The following RBFOX1 variants were observed in gnomAD, a reference collection of about 807,000 sequenced individuals.
RBFOX1 encodes RNA binding protein fox-1 homolog 1.
RBFOX1 carries 8 observed loss-of-function variants against 57.7 expected under a neutral mutation model. The ratio of observed to expected loss-of-function variants is 0.14; its 90% CI spans 0.08 to 0.25. The LOEUF is 0.25. RBFOX1 is among the 10% of genes least tolerant of loss of function. RBFOX1 has a pLI of 1.00. For synonymous variants in RBFOX1, 326 were observed against 222.4 expected (o/e 1.47, Z -4.15); for missense variants, 611 against 548.5 (o/e 1.11, Z -1.14).
intron 2 of RBFOX1, among the ~76,000 whole-genome samples, chr16:6,639,238 G>C (rs921946779): frequency 3.9e-5 from 6 of 152,202 alleles, no homozygotes; most frequent in African/African-American, 1.4e-4. Context: ...CTGCCCATTG[G>C]ATGTCTTTCT....
intron 4 of RBFOX1, among the ~76,000 whole-genome samples, chr16:7,430,389 C>G (rs968736314): frequency 5.9e-5 from 9 of 152,148 alleles, no homozygotes; most frequent in African/African-American, 2.2e-4. Flanking sequence ...AGGCTGGGCG[C>G]AGTGGCTCAT....
chr16:6,169,209 G>T (rs1001175642), intron 1 of RBFOX1, among the ~76,000 whole-genome samples: 4 of 152,098 alleles, frequency 2.6e-5, no homozygotes, highest in Non-Finnish European at 4.4e-5. Flanking sequence ...TCATTGACTT[G>T]GTAGATGGAA....
chr16:7,344,002 T>G (rs1007153203), intron 4 of RBFOX1, among the ~76,000 whole-genome samples: 1 of 151,714 alleles, frequency 6.6e-6, no homozygotes. Flanking sequence ...AATAATAGCC[T>G]CAATCTTGAG....
chr16:6,515,523 C>T (rs749474413), intron 2 of RBFOX1, among the ~76,000 whole-genome samples: 14 of 152,196 alleles, frequency 9.2e-5, no homozygotes, highest in Non-Finnish European at 1.2e-4. Flanking sequence ...ACATTGTTCC[C>T]ATGTCTTCCC....
At chr16:6,223,651 C>T (rs147190385) in intron 1 of RBFOX1, among the ~76,000 whole-genome samples, 3,166 of 152,112 alleles carry the variant, frequency 0.021, 120 homozygotes, top group African/African-American at 0.072. Flanking sequence ...TTTTGTAGGT[C>T]GCCTGTTCAC....
At chr16:5,835,985 G>C (rs1042877853) in intron 3 of RBFOX1, among the ~76,000 whole-genome samples, 19 of 152,224 alleles carry the variant, frequency 1.2e-4, no homozygotes, top group African/African-American at 4.3e-4. Context: ...TCAGGAGGCT[G>C]AGGCTGCTTG....
intron 2 of RBFOX1, among the ~76,000 whole-genome samples, chr16:5,495,303 A>C (rs1233318268): frequency 6.6e-6 from 1 of 152,244 alleles, no homozygotes; most frequent in Admixed American, 6.5e-5. Context: ...TAGAGTCTGC[A>C]GCGATTCTCG....
chr16:6,507,022 C>G (rs954376844), intron 2 of RBFOX1, among the ~76,000 whole-genome samples: 2 of 152,060 alleles, frequency 1.3e-5, no homozygotes, highest in African/African-American at 2.4e-5. Context: ...GGGCTCATGA[C>G]TGCTTCCTTT....
intron 3 of RBFOX1, among the ~76,000 whole-genome samples, chr16:6,657,420 C>T (rs1309685221): frequency 6.6e-6 from 1 of 151,988 alleles, no homozygotes; most frequent in East Asian, 2.0e-4. Context: ...ACGGCGTGCC[C>T]CTCACCCCAG....
chr16:5,454,136 C>G (rs72772788), intron 1 of RBFOX1, among the ~76,000 whole-genome samples: 3 of 152,134 alleles, frequency 2.0e-5, no homozygotes, highest in African/African-American at 7.2e-5. Context: ...TTTTATTCCT[C>G]GTTCTTGTTG....
intron 3 of RBFOX1, among the ~76,000 whole-genome samples, chr16:6,694,725 A>G (rs78000055): frequency 0.082 from 12,428 of 152,166 alleles, 547 homozygotes; most frequent in African/African-American, 0.096. Flanking sequence ...CAGCAACTCC[A>G]TTGGTAATAG....
chr16:5,914,308 G>A (rs894513094), intron 4 of RBFOX1, among the ~76,000 whole-genome samples: 2 of 151,904 alleles, frequency 1.3e-5, no homozygotes, highest in Admixed American at 1.3e-4. Flanking sequence ...CCCAATTTTT[G>A]TTGGGTCAGA....
intron 4 of RBFOX1, among the ~76,000 whole-genome samples, chr16:7,182,122 G>A (rs376903884): frequency 7.9e-5 from 12 of 152,202 alleles, no homozygotes; most frequent in South Asian, 6.2e-4. Context: ...TCAGTGATTC[G>A]TAGTTGTCTC....
At chr16:6,940,335 G>A (rs760550824) in intron 3 of RBFOX1, among the ~76,000 whole-genome samples, 3 of 152,192 alleles carry the variant, frequency 2.0e-5, no homozygotes, top group Non-Finnish European at 2.9e-5. Context: ...TTTGGGAGAT[G>A]CTTAAAAGCA....
chr16:5,859,810 C>T (rs1195354672), intron 3 of RBFOX1, among the ~76,000 whole-genome samples: 1 of 152,154 alleles, frequency 6.6e-6, no homozygotes, highest in Non-Finnish European at 1.5e-5. Context: ...ACAGAATATC[C>T]CTAAAACTTA....
At chr16:7,147,314 AT>A (rs920163214) in intron 4 of RBFOX1, among the ~76,000 whole-genome samples, 12 of 146,476 alleles carry the variant, frequency 8.2e-5, no homozygotes, top group African/African-American at 3.0e-4. Context: ...CCTATTTTTA[AT>A]TTTTTTTTCA....
intron 3 of RBFOX1, among the ~76,000 whole-genome samples, chr16:5,757,148 G>C (rs531521955): frequency 1.1e-4 from 17 of 151,946 alleles, no homozygotes; most frequent in African/African-American, 3.9e-4. Context: ...TGCCAAGCTT[G>C]CCCTTGGTCG....
intron 4 of RBFOX1, among the ~76,000 whole-genome samples, chr16:7,416,518 A>G (rs984971396): frequency 1.2e-4 from 19 of 152,172 alleles, no homozygotes; most frequent in African/African-American, 4.1e-4. Flanking sequence ...CTTGTAGACA[A>G]GATGGGGACA....
At chr16:6,759,645 A>T (rs536887244) in intron 3 of RBFOX1, among the ~76,000 whole-genome samples, 5 of 152,098 alleles carry the variant, frequency 3.3e-5, no homozygotes, top group East Asian at 1.9e-4. Flanking sequence ...ATTTAGGTCT[A>T]TTACTTGTTT....
Sources: gnomAD v4.1 joint callset for allele counts (sites outside exome capture counted in the v4.1 genomes callset) on GRCh38, gnomAD v4.1.1 for gene constraint, MANE v1.5 for transcripts, NCBI Gene and HGNC (gene_info 2026-07-23, HGNC 2026-07-21) for gene names.